The following EPHB1 variants were observed in gnomAD, a reference collection of about 807,000 sequenced individuals.
EPHB1 encodes EPH receptor B1.
A neutral mutation model predicts 94.4 loss-of-function variants in EPHB1; 30 were observed. The observed-to-expected ratio is 0.32, with a 90% CI of 0.24 to 0.43. The LOEUF (loss-of-function observed/expected upper bound fraction) is 0.43. Among genes scored for constraint, EPHB1 ranks in the 20% least tolerant of loss-of-function variants. The pLI is 1.00. For missense variants in EPHB1, 1,055 were observed against 1,308.3 expected (o/e 0.81, Z 2.99); for synonymous variants, 522 against 489.1 (o/e 1.07, Z -0.89).
intron 1 of EPHB1, among the ~76,000 whole-genome samples, chr3:134,870,587 C>T (rs1013802075): frequency 6.6e-6 from 1 of 152,202 alleles, no homozygotes; most frequent in Admixed American, 6.5e-5. Flanking sequence ...AGATCAGCAC[C>T]ATGAACGCTG....
chr3:134,867,476 G>C (rs900314859), intron 1 of EPHB1, among the ~76,000 whole-genome samples: 1 of 152,160 alleles, frequency 6.6e-6, no homozygotes, highest in African/African-American at 2.4e-5. Flanking sequence ...GGGCCAAGTA[G>C]GAGGCTGCTC....
chr3:135,222,044 CAA>C (rs1406889129), intron 12 of EPHB1, among the ~76,000 whole-genome samples: 1 of 152,164 alleles, frequency 6.6e-6, no homozygotes, highest in East Asian at 1.9e-4. Context: ...CAATGTGATG[CAA>C]AGAGCACAAG....
rs2107687459 is a variant in EPHB1 at position 135,132,932 on chromosome 3, A to G, written c.1180A>G (p.Ser394Gly). Residue 394 changes from serine to glycine, a missense_variant, in exon 5 of 16, where the codon AGC becomes GGC. Ser to Gly is a moderately conservative substitution (Grantham distance 56, BLOSUM62 0). Coordinates refer to ENST00000398015, the MANE Select transcript of EPHB1 (RefSeq NM_004441.5). ...CCTGACGGAGTGCCGCGTCTCCATC[A>G]GCAGCCTGTGGGCCCACACCCCCTA... is the stretch of plus-strand genomic sequence containing the variant. Reference protein sequence around the residue: ...LGLTECRVSISSLWAHTPYTF... With the variant: ...LGLTECRVSIGSLWAHTPYTF... The G allele has an allele frequency of 2.5e-6, 4 of 1,614,040 alleles. No homozygotes were observed. The highest frequency in any genetic ancestry group is 3.4e-6 in the Non-Finnish European group (4 of 1,179,894).
chr3:135,232,982 C>T (rs1039790585), intron 12 of EPHB1, among the ~76,000 whole-genome samples: 2 of 152,184 alleles, frequency 1.3e-5, no homozygotes, highest in African/African-American at 4.8e-5. Context: ...GTCTCTATTA[C>T]AACACACAGG....
chr3:135,083,228 C>T (rs996793454), intron 3 of EPHB1, among the ~76,000 whole-genome samples: 9 of 152,008 alleles, frequency 5.9e-5, no homozygotes, highest in Non-Finnish European at 1.3e-4. Context: ...GGCTGGTGAG[C>T]CCTCAGGGTT....
chr3:134,877,569 G>A (rs757979239), intron 1 of EPHB1, among the ~76,000 whole-genome samples: 1 of 152,138 alleles, frequency 6.6e-6, no homozygotes. Flanking sequence ...GGTCACCATC[G>A]GTCAGGAGAT....
chr3:134,833,947 G>A (rs7645510), intron 1 of EPHB1, among the ~76,000 whole-genome samples: 85,468 of 151,992 alleles, frequency 0.56, 27,398 homozygotes, highest in East Asian at 0.79. Context: ...CGTGATAAGA[G>A]GATGGTTTCT....
chr3:134,839,552 G>A (rs2036738831), intron 1 of EPHB1, among the ~76,000 whole-genome samples: 1 of 152,216 alleles, frequency 6.6e-6, no homozygotes, highest in Non-Finnish European at 1.5e-5. Context: ...CTTGGTCACC[G>A]AGAAGGCCCT....
intron 9 of EPHB1, among the ~76,000 whole-genome samples, chr3:135,178,227 G>A (rs983680145): frequency 1.0e-4 from 15 of 148,910 alleles, no homozygotes; most frequent in Non-Finnish European, 2.1e-4. Flanking sequence ...GCCGGGGAGG[G>A]GGGGTGGATC....
intron 1 of EPHB1, among the ~76,000 whole-genome samples, chr3:134,862,317 C>A (rs1307279101): frequency 6.6e-6 from 1 of 151,898 alleles, no homozygotes; most frequent in Non-Finnish European, 1.5e-5. Flanking sequence ...TGAGTTGGGT[C>A]CAAAGAGGTT....
At chr3:134,808,922 A>C (rs2036118149) in intron 1 of EPHB1, among the ~76,000 whole-genome samples, 1 of 152,250 alleles carries the variant, frequency 6.6e-6, no homozygotes, top group Non-Finnish European at 1.5e-5. Flanking sequence ...GAAGAGCCAT[A>C]ATTTCTCACT....
In EPHB1 at chr3:135,248,437, A is replaced by G. The variant is rs768204306; in HGVS notation, c.2618A>G (p.Glu873Gly). The change falls in exon 14 of 16, where the codon GAG becomes GGG. Residue 873 changes from glutamate to glycine, a missense_variant. Glu to Gly is a moderately conservative substitution (Grantham distance 98, BLOSUM62 -2). Transcript: ENST00000398015. ...KDRNSRPRFAEIVNTLDKMIR... is the reference protein window; with the variant it reads ...KDRNSRPRFAGIVNTLDKMIR... The stretch of plus-strand genomic sequence containing the variant: ...CGGAACAGCCGGCCCCGGTTTGCGG[A>G]GATTGTCAACACCCTAGATAAGATG... 18 of 1,613,866 alleles carry G rather than the reference A, an allele frequency of 1.1e-5. No homozygotes were observed. The South Asian group carries it at 1.8e-4, about 16-fold the overall frequency.
chr3:135,173,530 T>A (rs1044491319), intron 9 of EPHB1, among the ~76,000 whole-genome samples: 1 of 152,180 alleles, frequency 6.6e-6, no homozygotes, highest in Non-Finnish European at 1.5e-5. Flanking sequence ...TGTCCTGGGT[T>A]CTTCCTCAAG....
At chr3:135,049,969 C>T (rs971862218) in intron 3 of EPHB1, among the ~76,000 whole-genome samples, 16 of 152,276 alleles carry the variant, frequency 1.1e-4, no homozygotes, top group Admixed American at 7.8e-4. Context: ...TACCCCGGGA[C>T]CCTGAGGAGC....
intron 10 of EPHB1, among the ~76,000 whole-genome samples, chr3:135,187,094 T>A (rs530845329): frequency 6.6e-6 from 1 of 152,188 alleles, no homozygotes; most frequent in South Asian, 2.1e-4. Context: ...GCTGAGCACA[T>A]TGGCCACTAG....
intron 4 of EPHB1, among the ~76,000 whole-genome samples, chr3:135,106,877 G>T (rs1256258414): frequency 6.6e-6 from 1 of 152,166 alleles, no homozygotes; most frequent in African/African-American, 2.4e-5. Flanking sequence ...CTGTTCATCA[G>T]ATGTCAGACT....
intron 2 of EPHB1, among the ~76,000 whole-genome samples, chr3:134,947,183 T>C (rs2039231099): frequency 6.6e-6 from 1 of 152,146 alleles, no homozygotes; most frequent in East Asian, 1.9e-4. Context: ...TTTTTTTTCA[T>C]TGATGAATGA....
intron 3 of EPHB1, among the ~76,000 whole-genome samples, chr3:135,096,375 T>C (rs1465536475): frequency 1.3e-5 from 2 of 152,222 alleles, no homozygotes. Flanking sequence ...GCAGTGGTCC[T>C]CAGACTAGAG....
intron 4 of EPHB1, among the ~76,000 whole-genome samples, chr3:135,121,801 A>G (rs1306797167): frequency 6.6e-6 from 1 of 151,564 alleles, no homozygotes; most frequent in Non-Finnish European, 1.5e-5. Context: ...GTTCTGCACA[A>G]AGTCTTTTTT....
Sources: allele counts gnomAD v4.1 joint callset (sites outside exome capture counted in the v4.1 genomes callset), GRCh38; gene constraint gnomAD v4.1.1; transcripts MANE v1.5; gene names NCBI Gene and HGNC (gene_info 2026-07-23, HGNC 2026-07-21).